The following SAMTOR variants were observed in gnomAD, a reference collection of about 807,000 sequenced individuals.
SAMTOR encodes the protein S-adenosylmethionine sensor upstream of mTORC1.
the SAMTOR span, among the ~76,000 whole-genome samples, chr7:112,870,124 T>C: frequency 6.6e-6 from 1 of 152,138 alleles, no homozygotes; most frequent in African/African-American, 2.4e-5. Flanking sequence ...TTGGAAAACA[T>C]ACATGAGGAC....
the SAMTOR span, among the ~76,000 whole-genome samples, chr7:112,883,555 G>A: frequency 6.6e-6 from 1 of 152,314 alleles, no homozygotes; most frequent in Admixed American, 6.5e-5. Context: ...TATAGCAAGG[G>A]TAATGGACAT....
the SAMTOR span, among the ~76,000 whole-genome samples, chr7:112,836,423 A>G: frequency 6.6e-6 from 1 of 152,006 alleles, no homozygotes; most frequent in South Asian, 2.1e-4. Flanking sequence ...CCCATTCTGT[A>G]GGTTGTCTGT....
At chr7:112,911,241 G>A in the SAMTOR span, among the ~76,000 whole-genome samples, 1 of 152,086 alleles carries the variant, frequency 6.6e-6, no homozygotes, top group Admixed American at 6.6e-5. Context: ...TGGTGGCTGC[G>A]AGTGGAACTA....
the SAMTOR span, among the ~76,000 whole-genome samples, chr7:112,832,020 T>C: frequency 6.6e-6 from 1 of 151,526 alleles, no homozygotes; most frequent in South Asian, 2.1e-4. Context: ...TTCTTTTTTT[T>C]TTTTTTTTTT....
At chr7:112,919,145 A>AT in the SAMTOR span, among the ~76,000 whole-genome samples, 5 of 152,070 alleles carry the variant, frequency 3.3e-5, no homozygotes, top group Admixed American at 2.0e-4. Flanking sequence ...CAGAATATAC[A>AT]TTTTTTTCAG....
At chr7:112,919,861 A>C in the SAMTOR span, among the ~76,000 whole-genome samples, 22 of 152,332 alleles carry the variant, frequency 1.4e-4, no homozygotes, top group Non-Finnish European at 2.6e-4. Flanking sequence ...GAAATGGATA[A>C]ATTCCTGGAC....
At chr7:112,842,860 T>C in the SAMTOR span, among the ~76,000 whole-genome samples, 6 of 152,028 alleles carry the variant, frequency 3.9e-5, no homozygotes, top group Admixed American at 1.3e-4. Flanking sequence ...TCTTAACTGA[T>C]ACACTTTACT....
the SAMTOR span, among the ~76,000 whole-genome samples, chr7:112,863,607 A>G: frequency 6.6e-6 from 1 of 152,248 alleles, no homozygotes; most frequent in African/African-American, 2.4e-5. Flanking sequence ...AACTCCATTA[A>G]AAAGTGGGCA....
At chr7:112,939,478 G>T in the SAMTOR span, 1 of 1,493,550 alleles carries the variant, frequency 6.7e-7, no homozygotes, top group African/African-American at 1.4e-5. Context: ...CGGCTGGGGG[G>T]ACGTGCAGAT....
chr7:112,819,802 C>CTGTT, the SAMTOR span: 1 of 152,530 alleles, frequency 6.6e-6, no homozygotes, highest in Non-Finnish European at 1.5e-5. Flanking sequence ...TTCAAAAGCG[C>CTGTT]TGTTTTCATT....
chr7:112,860,828 C>A, the SAMTOR span, among the ~76,000 whole-genome samples: 1 of 145,104 alleles, frequency 6.9e-6, no homozygotes, highest in Non-Finnish European at 1.5e-5. Context: ...AGGAGAATGG[C>A]GTGAACCGGG....
chr7:112,886,482 T>C, the SAMTOR span, among the ~76,000 whole-genome samples: 1 of 152,138 alleles, frequency 6.6e-6, no homozygotes, highest in African/African-American at 2.4e-5. Flanking sequence ...GCACAAAGAT[T>C]TATTGCTGAA....
the SAMTOR span, among the ~76,000 whole-genome samples, chr7:112,917,934 A>G: frequency 6.6e-6 from 1 of 152,228 alleles, no homozygotes; most frequent in African/African-American, 2.4e-5. Context: ...GCCTCCAAGA[A>G]ATATGAGACT....
At chr7:112,835,279 T>G in the SAMTOR span, among the ~76,000 whole-genome samples, 10 of 152,134 alleles carry the variant, frequency 6.6e-5, no homozygotes, top group Non-Finnish European at 1.0e-4. Context: ...ATGACATTTG[T>G]GTTTCATCCT....
At chr7:112,893,152 C>G in the SAMTOR span, among the ~76,000 whole-genome samples, 1 of 152,118 alleles carries the variant, frequency 6.6e-6, no homozygotes, top group Non-Finnish European at 1.5e-5. Flanking sequence ...CTGCATTAGC[C>G]CCTAACAAGA....
the SAMTOR span, among the ~76,000 whole-genome samples, chr7:112,887,899 G>C: frequency 2.6e-5 from 4 of 151,644 alleles, no homozygotes; most frequent in Admixed American, 6.6e-5. Flanking sequence ...GAAACCTTTT[G>C]GTTTCACTGA....
the SAMTOR span, among the ~76,000 whole-genome samples, chr7:112,927,491 C>T: frequency 8.6e-5 from 13 of 151,960 alleles, no homozygotes; most frequent in African/African-American, 1.9e-4. Flanking sequence ...ATAATGGCAT[C>T]TGTGAATGAC....
chr7:112,841,247 A>G, the SAMTOR span, among the ~76,000 whole-genome samples: 1 of 152,188 alleles, frequency 6.6e-6, no homozygotes, highest in South Asian at 2.1e-4. Context: ...AGGATACAAA[A>G]TCAATGGGCA....
chr7:112,901,213 C>T, the SAMTOR span, among the ~76,000 whole-genome samples: 1 of 152,214 alleles, frequency 6.6e-6, no homozygotes, highest in Non-Finnish European at 1.5e-5. Context: ...AGGTAAGTGG[C>T]AGGTGAGTGA....
Sources: allele counts gnomAD v4.1 joint callset (sites outside exome capture counted in the v4.1 genomes callset), GRCh38; gene constraint gnomAD v4.1.1; transcripts MANE v1.5; gene names NCBI Gene and HGNC (gene_info 2026-07-23, HGNC 2026-07-21).